Variants in SORCS1 observed in about 807,000 individuals in gnomAD.
SORCS1 encodes the protein sortilin related VPS10 domain containing receptor 1, also known as VPS10 domain-containing receptor SorCS1.
A neutral mutation model predicts 146.1 loss-of-function variants in SORCS1; 60 were observed. The observed-to-expected ratio is 0.41, with a 90% confidence interval of 0.33 to 0.51. The LOEUF is 0.51. Ranked by LOEUF, SORCS1 falls within the 20% of genes least tolerant of loss-of-function variation. The pLI is 0.21. For missense variants in SORCS1, 1,352 were observed against 1,487.6 expected (o/e 0.91, Z 1.50); for synonymous variants, 637 against 584.0 (o/e 1.09, Z -1.31).
chr10:106,607,383 T>TAGGC (rs1255553011), intron 22 of SORCS1, 86 bp from the exon 23 acceptor site: 25 of 1,540,318 alleles, frequency 1.6e-5, no homozygotes, highest in Non-Finnish European at 2.0e-5. Flanking sequence ...GGATCAGGGG[T>TAGGC]AGGCAGAAGA....
chr10:106,795,869 C>G (rs115357633), intron 3 of SORCS1, among the ~76,000 whole-genome samples: 1 of 152,084 alleles, frequency 6.6e-6, no homozygotes, highest in Non-Finnish European at 1.5e-5. Flanking sequence ...AGTTCTAAGA[C>G]GCTGGGAGAA....
At chr10:106,691,727 T>C (rs1051262364) in intron 9 of SORCS1, among the ~76,000 whole-genome samples, 4 of 152,220 alleles carry the variant, frequency 2.6e-5, no homozygotes, top group Admixed American at 2.0e-4. Context: ...ATAAACCTTT[T>C]CCAAAAACCA....
chr10:107,131,165 T>C (rs1418962813), intron 1 of SORCS1, among the ~76,000 whole-genome samples: 1 of 152,160 alleles, frequency 6.6e-6, no homozygotes, highest in African/African-American at 2.4e-5. Flanking sequence ...ATTCTTGCAT[T>C]TGGGCTTCTT....
At chr10:106,997,688 T>C (rs1957054546) in intron 1 of SORCS1, among the ~76,000 whole-genome samples, 1 of 152,234 alleles carries the variant, frequency 6.6e-6, no homozygotes, top group African/African-American at 2.4e-5. Flanking sequence ...AAAATGTTTA[T>C]ATAGACACTG....
chr10:106,669,104 T>C (rs1045940565), intron 16 of SORCS1, among the ~76,000 whole-genome samples: 4 of 152,016 alleles, frequency 2.6e-5, no homozygotes, highest in African/African-American at 9.7e-5. Context: ...GTGGGATGAG[T>C]AGCCGATTCC....
At chr10:106,977,892 A>C (rs1235665580) in intron 1 of SORCS1, among the ~76,000 whole-genome samples, 1 of 152,244 alleles carries the variant, frequency 6.6e-6, no homozygotes, top group Non-Finnish European at 1.5e-5. Context: ...TGCTTTGCAA[A>C]ATGGTAGCAC....
intron 1 of SORCS1, among the ~76,000 whole-genome samples, chr10:107,145,375 G>T (rs1968232143): frequency 6.6e-6 from 1 of 152,186 alleles, no homozygotes; most frequent in South Asian, 2.1e-4. Flanking sequence ...AGTCATCCCA[G>T]ACTGGCAGAT....
At chr10:106,925,024 A>T (rs1168282522) in intron 2 of SORCS1, among the ~76,000 whole-genome samples, 2 of 143,414 alleles carry the variant, frequency 1.4e-5, no homozygotes, top group Non-Finnish European at 3.1e-5. Context: ...AAATTATTTT[A>T]AAAATAGTAC....
At position 106,907,048 on chromosome 10, in the gene SORCS1, G is replaced by A. The variant is rs1170544109; in HGVS notation, c.626+49465C>T. On this transcript the variant is annotated intron_variant, in intron 2 of 25. Transcript: ENST00000263054. ...AAAAAGAATGATAATACTCATTGCT[G>A]CCAAGTGTGTGGGGAAACAGGCACC... 2.6e-5 allele frequency among the ~76,000 whole-genome samples: 4 copies of A among 152,332 alleles called. No individual in the cohort carries two copies. The East Asian group carries it at 7.7e-4, about 29-fold the overall frequency.
intron 2 of SORCS1, among the ~76,000 whole-genome samples, chr10:106,903,264 T>G (rs1194250745): frequency 6.6e-6 from 1 of 152,218 alleles, no homozygotes; most frequent in South Asian, 2.1e-4. Flanking sequence ...TAAGGATTCA[T>G]GGACTCTTAT....
chr10:106,788,382 C>A (rs898927610), intron 3 of SORCS1, among the ~76,000 whole-genome samples: 1 of 152,132 alleles, frequency 6.6e-6, no homozygotes, highest in African/African-American at 2.4e-5. Flanking sequence ...AGCATTGACT[C>A]GAAAATCTAC....
chr10:106,632,452 G>A (rs1848493227), intron 18 of SORCS1, among the ~76,000 whole-genome samples: 1 of 152,154 alleles, frequency 6.6e-6, no homozygotes, highest in Admixed American at 6.5e-5. Context: ...ACCACTGGAA[G>A]CAAGGATGTC....
chr10:106,843,749 C>G (rs34661799), intron 2 of SORCS1, among the ~76,000 whole-genome samples: 1 of 152,052 alleles, frequency 6.6e-6, no homozygotes. Context: ...TTTCCTTTTT[C>G]TAAGGTTGAA....
chr10:107,094,225 T>C (rs770488699), intron 1 of SORCS1, among the ~76,000 whole-genome samples: 14 of 152,278 alleles, frequency 9.2e-5, no homozygotes, highest in Admixed American at 2.6e-4. Flanking sequence ...TCAAACAGTG[T>C]CATATGGTAA....
At chr10:106,858,143 T>C (rs1053301477) in intron 2 of SORCS1, among the ~76,000 whole-genome samples, 1 of 152,218 alleles carries the variant, frequency 6.6e-6, no homozygotes, top group East Asian at 1.9e-4. Context: ...CATTCTGTCA[T>C]GTATCACAGA....
intron 2 of SORCS1, among the ~76,000 whole-genome samples, chr10:106,928,625 G>T (rs746824332): frequency 3.3e-5 from 5 of 152,212 alleles, no homozygotes; most frequent in Non-Finnish European, 4.4e-5. Flanking sequence ...GCGAGCGAGG[G>T]CTGTGAAGAC....
chr10:107,022,324 C>A (rs1000449380), intron 1 of SORCS1, among the ~76,000 whole-genome samples: 1 of 152,166 alleles, frequency 6.6e-6, no homozygotes. Context: ...GGAGTCCAGA[C>A]CAATCTTAAA....
rs1564991886 is a variant in SORCS1, at chr10:107,065,432, T to TTTCTTTCTTTCTTTCTTTCTTTCTTTCC, written c.558+98536_558+98537insGGAAAGAAAGAAAGAAAGAAAGAAAGAA. Among the ~76,000 whole-genome samples the TTTCTTTCTTTCTTTCTTTCTTTCTTTCC allele has an allele frequency of 2.0e-5, 3 of 148,576 alleles. 1 individual carries two copies. Among genetic ancestry groups the TTTCTTTCTTTCTTTCTTTCTTTCTTTCC allele is most frequent in the Non-Finnish European group, 4.5e-5 (3 of 66,880 alleles). On this transcript the variant is annotated intron_variant, in intron 1 of 25. Coordinates refer to ENST00000263054, the MANE Select transcript of SORCS1 (RefSeq NM_052918.5). Reference sequence around the variant, plus strand: ...TCTCTTTCTTTTCTTTCTTTCTTTCTTTCTTTCTTTCTTTCTTTTCTCTCT... The same window carrying TTTCTTTCTTTCTTTCTTTCTTTCTTTCC: ...TCTCTTTCTTTTCTTTCTTTCTTTCTTTCTTTCTTTCTTTCTTTCTTTCTTTCCTTCTTTCTTTCTTTCTTTTCTCTCT...
At chr10:106,836,303 T>G (rs1026533110) in intron 2 of SORCS1, among the ~76,000 whole-genome samples, 1 of 151,532 alleles carries the variant, frequency 6.6e-6, no homozygotes, top group Non-Finnish European at 1.5e-5. Flanking sequence ...TGAAACCCCG[T>G]CTCTACTAAA....
Sources: gnomAD v4.1 joint callset for allele counts (sites outside exome capture counted in the v4.1 genomes callset) on GRCh38, gnomAD v4.1.1 for gene constraint, MANE v1.5 for transcripts, NCBI Gene and HGNC (gene_info 2026-07-23, HGNC 2026-07-21) for gene names.